The following MAP3K15 variants were observed in gnomAD, a reference collection of about 807,000 sequenced individuals.
MAP3K15 encodes the protein MAPK/ERK kinase kinase 15.
In MAP3K15, 124 loss-of-function variants were observed where a neutral mutation model predicts 99.5. That is an observed-to-expected ratio of 1.25 (90% CI 1.08 to 1.45). The LOEUF (loss-of-function observed/expected upper bound fraction) is 1.45, where lower values mean the gene tolerates loss of function less well. MAP3K15 is among the 40% of genes most tolerant of loss of function. The pLI is 0.00. For synonymous variants in MAP3K15, 494 were observed against 439.6 expected (o/e 1.12, Z -1.55); for missense variants, 1,242 against 1,079.7 (o/e 1.15, Z -2.11).
rs146227287 is a variant in MAP3K15, at chrX:19,369,435, T to C, written c.3401-216A>G. Among the ~76,000 whole-genome samples the C allele has an allele frequency of 0.039, 4,320 of 111,304 alleles. 208 individuals are homozygous for C. The highest frequency in any genetic ancestry group is 0.13 in the African/African-American group (4,048 of 30,533). ...TCACGCCAGTTTCCACAGGAAGAAATTGAGGCTTAAGGATATGAAGTGAAC... is the reference window on the plus strand; with the variant it reads ...TCACGCCAGTTTCCACAGGAAGAAACTGAGGCTTAAGGATATGAAGTGAAC... On this transcript the variant is annotated intron_variant, in intron 24 of 28. Transcript: ENST00000338883.
At chrX:19,482,038 G>A (rs1190178326) in intron 3 of MAP3K15, 2 of 108,889 alleles carry the variant, frequency 1.8e-5, no homozygotes, top group African/African-American at 6.7e-5. Flanking sequence ...AAATTAGCCA[G>A]GCGTGGTGGT....
intron 4 of MAP3K15, among the ~76,000 whole-genome samples, chrX:19,463,786 G>A (rs1005169293): frequency 1.2e-4 from 13 of 111,265 alleles, no homozygotes; most frequent in Non-Finnish European, 1.5e-4. Flanking sequence ...GCACGAGAGC[G>A]TAAGGTCAGA....
chrX:19,442,379 T>C (rs2063965127), intron 6 of MAP3K15, among the ~76,000 whole-genome samples: 1 of 111,836 alleles, frequency 8.9e-6, no homozygotes, highest in East Asian at 2.8e-4. Flanking sequence ...GACTCACATA[T>C]AAATAAAGAA....
At chrX:19,468,630 G>C (rs1362326287) in intron 3 of MAP3K15, among the ~76,000 whole-genome samples, 1 of 111,994 alleles carries the variant, frequency 8.9e-6, no homozygotes, top group Non-Finnish European at 1.9e-5. Flanking sequence ...GAACTTTAAA[G>C]TAGTTTTTTC....
chrX:19,461,013 A>G (rs1483462048), intron 4 of MAP3K15, among the ~76,000 whole-genome samples: 1 of 79,459 alleles, frequency 1.3e-5, no homozygotes, highest in Non-Finnish European at 2.5e-5. Context: ...AGAGTCTCGC[A>G]CTTTCGCCCA....
At chrX:19,405,470 T>C (rs1048737350) in intron 13 of MAP3K15, among the ~76,000 whole-genome samples, 3 of 112,277 alleles carry the variant, frequency 2.7e-5, no homozygotes, top group African/African-American at 9.7e-5. Flanking sequence ...AGACAAAGAC[T>C]GATGATGAAC....
In MAP3K15 at chrX:19,472,226, AAATAATAAT is replaced by A. The variant is rs202068828; in HGVS notation, c.526-7829_526-7821del. 5.7e-3 allele frequency among the ~76,000 whole-genome samples: 556 copies of A among 97,438 alleles called. 2 individuals carry two copies. Among genetic ancestry groups the A allele is most frequent in the African/African-American group, 0.019 (504 of 26,480 alleles). 84.6% of individuals were successfully genotyped at this position (97,438 alleles called of 115,157 possible). The stretch of plus-strand genomic sequence containing the variant: ...GCCATAGAGCGAGACTCTGTCTCAA[AAATAATAAT>A]AATAATAATAATAATAATAATAATA... On this transcript the variant is annotated intron_variant, in intron 3 of 28. Coordinates refer to ENST00000338883, the MANE Select transcript of MAP3K15 (RefSeq NM_001001671.4).
chrX:19,362,859 A>T lies in MAP3K15; in HGVS notation c.3567-9T>A, dbSNP rs1288310222. 7.7e-6 allele frequency: 3 copies of T among 391,705 alleles called. No individual in the cohort carries two copies. The highest frequency in any genetic ancestry group is 1.6e-4 in the African/African-American group (1 of 6,246). The allele number at this position is 391,705 out of a possible 1,213,427, so 32.3% of individuals were successfully genotyped here. On this transcript the variant is annotated splice_polypyrimidine_tract_variant and intron_variant, in intron 25 of 28. Transcript: ENST00000338883. The stretch of plus-strand genomic sequence containing the variant: ...CTAGGTGTTCCAAAAGTCTGGTTTA[A>T]AAAAAAAAAAAAAAAGCCATTATCC...
intron 3 of MAP3K15, among the ~76,000 whole-genome samples, chrX:19,476,600 C>T (rs2064244754): frequency 8.9e-6 from 1 of 111,817 alleles, no homozygotes; most frequent in South Asian, 3.7e-4. Context: ...CAGTGGTTTT[C>T]TTTTTAGAGC....
intron 18 of MAP3K15, among the ~76,000 whole-genome samples, chrX:19,391,680 AAAAAAAAAAAAAAAAAGAAAG>A (rs1303991168): frequency 9.3e-6 from 1 of 107,191 alleles, no homozygotes; most frequent in Admixed American, 1.0e-4. Flanking sequence ...GTCTCAAAAA[AAAAAAAAAAAAAAAAAGAAAG>A]AAAAAAAGAA....
intron 20 of MAP3K15, among the ~76,000 whole-genome samples, chrX:19,374,196 C>A (rs939983555): frequency 3.6e-5 from 4 of 111,449 alleles, no homozygotes. Flanking sequence ...TGCCTCCCCA[C>A]TCTCTTCCCA....
chrX:19,459,980 C>T lies in MAP3K15; in HGVS notation c.888+5G>A, dbSNP rs2007220642. On this transcript the variant is annotated splice_donor_5th_base_variant and intron_variant, in intron 5 of 28. Transcript: ENST00000338883. ...ACGTGAGCCTCGGCTAGGTGGATTT[C>T]ATACCTGGATATCACGGTAGGACAG... The T allele has an allele frequency of 8.8e-7, 1 of 1,134,789 alleles. No individual in the cohort carries two copies. Among genetic ancestry groups the T allele is most frequent in the African/African-American group, 1.8e-5 (1 of 54,869 alleles). The allele number at this position is 1,134,789 out of a possible 1,213,427, so 93.5% of individuals were successfully genotyped here.
chrX:19,365,994 G>A (rs12389643), intron 25 of MAP3K15, among the ~76,000 whole-genome samples: 3,788 of 84,059 alleles, frequency 0.045, 148 homozygotes, highest in Middle Eastern at 0.12. Flanking sequence ...ATGATAGAGC[G>A]AGCCTCCATC....
At chrX:19,452,543 T>G (rs1226580960) in intron 6 of MAP3K15, among the ~76,000 whole-genome samples, 1 of 112,277 alleles carries the variant, frequency 8.9e-6, no homozygotes, top group Non-Finnish European at 1.9e-5. Context: ...TTGCACACTA[T>G]GTTAATAGTA....
chrX:19,409,559 G>A (rs757401381), intron 12 of MAP3K15, among the ~76,000 whole-genome samples: 3 of 111,324 alleles, frequency 2.7e-5, no homozygotes, highest in Non-Finnish European at 5.7e-5. Context: ...ACCCCAACCC[G>A]AGTGTTGCCA....
In MAP3K15 at chrX:19,372,866, G is replaced by C. The variant is rs768360221; in HGVS notation, c.2934-39C>G. On this transcript the variant is annotated intron_variant, in intron 21 of 28. Coordinates refer to ENST00000338883, the MANE Select transcript of MAP3K15 (RefSeq NM_001001671.4). Reference sequence around the variant, plus strand: ...CGTGTGACAATCTCTGTGCGTGCCGGGGCACTGTCCCTGGGAGTGTGTCAT... The same window carrying C: ...CGTGTGACAATCTCTGTGCGTGCCGCGGCACTGTCCCTGGGAGTGTGTCAT... 6 of 1,174,699 alleles carry C rather than the reference G, an allele frequency of 5.1e-6. No individual in the cohort carries two copies. The South Asian group carries it at 7.6e-5, about 15-fold the overall frequency.
intron 26 of MAP3K15, 150 bp downstream of exon 26, chrX:19,362,588 G>C: frequency 2.4e-6 from 1 of 422,838 alleles, no homozygotes; most frequent in Non-Finnish European, 4.2e-6. Flanking sequence ...CCATGTTGTT[G>C]AATCTATCAG....
chrX:19,412,392 C>A (rs2063696157), intron 11 of MAP3K15, among the ~76,000 whole-genome samples: 1 of 112,044 alleles, frequency 8.9e-6, no homozygotes, highest in Non-Finnish European at 1.9e-5. Context: ...ATGATACAGG[C>A]AATTGGTAGC....
At chrX:19,498,956 CT>C (rs2064424259) in intron 1 of MAP3K15, among the ~76,000 whole-genome samples, 1 of 112,303 alleles carries the variant, frequency 8.9e-6, no homozygotes, top group African/African-American at 3.2e-5. Context: ...AAACGAAGAG[CT>C]TCTGCTCATC....
Sources: allele counts gnomAD v4.1 joint callset (sites outside exome capture counted in the v4.1 genomes callset), GRCh38; gene constraint gnomAD v4.1.1; transcripts MANE v1.5; gene names NCBI Gene and HGNC (gene_info 2026-07-23, HGNC 2026-07-21).